Variants in CRACD observed in about 807,000 individuals in gnomAD.
CRACD encodes capping protein-inhibiting regulator of actin dynamics.
Under a neutral mutation model 106.8 loss-of-function variants are expected in CRACD, and 56 were observed. The observed-to-expected ratio is 0.52, with a 90% confidence interval of 0.42 to 0.66. CRACD has a LOEUF of 0.66. Ranked by LOEUF, CRACD falls within the 30% of genes least tolerant of loss-of-function variation. The pLI is 0.00. For synonymous variants in CRACD, 754 were observed against 670.8 expected (o/e 1.12, Z -1.92); for missense variants, 1,730 against 1,623.2 (o/e 1.07, Z -1.13).
At chr4:56,240,610 T>G (rs543541745) in intron 2 of CRACD, among the ~76,000 whole-genome samples, 3 of 152,284 alleles carry the variant, frequency 2.0e-5, no homozygotes, top group Admixed American at 2.0e-4. Flanking sequence ...GTTCAAGTGA[T>G]CCTTCTGCCT....
chr4:56,329,896 T>C lies in CRACD; in HGVS notation c.*2092T>C, dbSNP rs1443688906. On this transcript the variant is annotated 3_prime_UTR_variant, in exon 11 of 11. Transcript: ENST00000682029. ...TGTCAACTTTGTATTGGCTGGGATA[T>C]CACTGTGCCCAAACAAAACAGGCGA... is the stretch of plus-strand genomic sequence containing the variant. Among the ~76,000 whole-genome samples, 1 of 152,182 alleles carries C rather than the reference T, an allele frequency of 6.6e-6. No homozygotes were observed. The highest frequency in any genetic ancestry group is 1.5e-5 in the Non-Finnish European group (1 of 68,030).
chr4:56,299,817 T>C (rs188364493), intron 4 of CRACD, among the ~76,000 whole-genome samples: 137 of 146,332 alleles, frequency 9.4e-4, no homozygotes, highest in African/African-American at 3.3e-3. Context: ...TCTACAACAA[T>C]GGATTAAATG....
chr4:56,219,069 G>T (rs1738893286), intron 2 of CRACD, among the ~76,000 whole-genome samples: 1 of 152,250 alleles, frequency 6.6e-6, no homozygotes, highest in Non-Finnish European at 1.5e-5. Context: ...TAGATGAATT[G>T]AAGATGGACT....
intron 1 of CRACD, among the ~76,000 whole-genome samples, chr4:56,104,395 CAAAAAACAAACACA>C (rs1733876550): frequency 8.0e-6 from 1 of 125,214 alleles, no homozygotes; most frequent in Non-Finnish European, 1.8e-5. Flanking sequence ...GACCCTGTCT[CAAAAAACAAACACA>C]AAAAAACAAA....
intron 4 of CRACD, among the ~76,000 whole-genome samples, chr4:56,301,754 T>C (rs532528955): frequency 1.4e-4 from 22 of 152,036 alleles, no homozygotes; most frequent in Admixed American, 3.3e-4. Flanking sequence ...AAGAACTCAA[T>C]ACAGCAAAAA....
At position 56,315,640 on chromosome 4, in the gene CRACD, C is replaced by A. The variant is rs1317056942; in HGVS notation, c.2138C>A (p.Pro713Gln). The part of the protein sequence containing the change: ...CDSRGNQRKT[P>Q]PVNAKFSIMP... ...TCCCGCGGGAACCAACGGAAGACTC[C>A]GCCAGTCAATGCAAAGTTCTCTATT... The change falls in exon 8 of 11, where the codon CCG (proline) becomes CAG (glutamine). Residue 713 changes from proline (P) to glutamine (Q), a missense_variant. By Grantham distance (76) the Pro-to-Gln change is moderately conservative (BLOSUM62 -1). This residue lies in a region of CRACD where 1,620 missense variants were observed against 1,481.6 expected (regional missense o/e 1.09). Transcript: ENST00000682029. The surrounding 1 kb of genome is among the most constrained non-coding windows in gnomAD (Gnocchi z 4.1). 4 of 1,614,048 alleles carry A rather than the reference C, an allele frequency of 2.5e-6. No individual in the cohort carries two copies. In the African/African-American group the frequency reaches 5.3e-5, roughly 22 times the overall value.
At chr4:56,279,161 T>C (rs956521824) in intron 3 of CRACD, among the ~76,000 whole-genome samples, 1 of 152,164 alleles carries the variant, frequency 6.6e-6, no homozygotes, top group Non-Finnish European at 1.5e-5. Context: ...GAAATGTGAC[T>C]ACACCCACTG....
At chr4:56,233,645 A>C (rs4865071) in intron 2 of CRACD, among the ~76,000 whole-genome samples, 1 of 151,754 alleles carries the variant, frequency 6.6e-6, no homozygotes, top group South Asian at 2.1e-4. Flanking sequence ...TTATTTCTCC[A>C]GTTTTGTTCA....
At chr4:56,273,520 T>TG (rs1299726195) in intron 3 of CRACD, among the ~76,000 whole-genome samples, 1 of 152,100 alleles carries the variant, frequency 6.6e-6, no homozygotes, top group East Asian at 1.9e-4. Flanking sequence ...GGTCAGGAAG[T>TG]ACTTTCTTAC....
At chr4:56,290,056 C>T (rs891187188) in intron 3 of CRACD, among the ~76,000 whole-genome samples, 3 of 152,178 alleles carry the variant, frequency 2.0e-5, no homozygotes, top group African/African-American at 7.2e-5. Context: ...AGTACACTGC[C>T]TTTTGCTGCT....
Position 56,314,308 on chromosome 4 carries a change from T to G in CRACD, c.806T>G (p.Leu269Arg), listed in dbSNP as rs553362419. Residue 269 changes from leucine (L) to arginine (R), a missense_variant, in exon 8 of 11, where the codon CTC becomes CGC. By Grantham distance (102) the Leu-to-Arg change is moderately radical. This residue lies in a region of CRACD where 1,620 missense variants were observed against 1,481.6 expected (regional missense o/e 1.09). Coordinates refer to ENST00000682029, the MANE Select transcript of CRACD (RefSeq NM_001393381.1). The surrounding 1 kb of genome is among the most constrained non-coding windows in gnomAD (Gnocchi z 4.4). The stretch of plus-strand genomic sequence containing the variant: ...TGGGAAGAGAACAGAAGGCAGGAGC[T>G]CTTGGAGGAGGAGGGCGAGGGGCAG... The part of the protein sequence containing the change: ...RLWEENRRQE[L>R]LEEEGEGQEP... The G allele has an allele frequency of 8.3e-4, 1,285 of 1,552,434 alleles. No individual in the cohort carries two copies. Among genetic ancestry groups the G allele is most frequent in the Admixed American group, 2.5e-3 (127 of 51,010 alleles).
intron 2 of CRACD, among the ~76,000 whole-genome samples, chr4:56,184,478 C>T (rs73155178): frequency 5.3e-4 from 80 of 152,332 alleles, no homozygotes; most frequent in African/African-American, 1.8e-3. Context: ...CCACCAAATG[C>T]GACTCCCTGG....
intron 2 of CRACD, among the ~76,000 whole-genome samples, chr4:56,243,978 G>A (rs1740522792): frequency 1.3e-5 from 2 of 152,106 alleles, no homozygotes. Context: ...ATGTCCGTGA[G>A]TTCAAAGATA....
At chr4:56,240,654 G>A (rs561635613) in intron 2 of CRACD, among the ~76,000 whole-genome samples, 14 of 152,076 alleles carry the variant, frequency 9.2e-5, no homozygotes, top group South Asian at 2.1e-4. Flanking sequence ...ACAAGCATGC[G>A]CCATCACACT....
At chr4:56,081,260 T>C (rs901336456) in intron 1 of CRACD, among the ~76,000 whole-genome samples, 1 of 152,202 alleles carries the variant, frequency 6.6e-6, no homozygotes, top group East Asian at 1.9e-4. Flanking sequence ...TCATGAATAG[T>C]TTTATTTTTA....
intron 1 of CRACD, among the ~76,000 whole-genome samples, chr4:56,059,039 C>T (rs574522689): frequency 1.3e-5 from 2 of 151,928 alleles, no homozygotes; most frequent in African/African-American, 4.8e-5. Flanking sequence ...TTACAAACAA[C>T]CCCGGTTGAT....
chr4:56,067,002 CTTAA>C (rs1387754457), intron 1 of CRACD, among the ~76,000 whole-genome samples: 14 of 152,082 alleles, frequency 9.2e-5, no homozygotes, highest in African/African-American at 3.4e-4. Context: ...TTAATTAATT[CTTAA>C]TTAATTCTTA....
chr4:56,175,427 A>G (rs1395371363), intron 1 of CRACD, among the ~76,000 whole-genome samples: 1 of 152,210 alleles, frequency 6.6e-6, no homozygotes, highest in Non-Finnish European at 1.5e-5. Context: ...AATGATTAAT[A>G]TACCTACTTG....
intron 3 of CRACD, among the ~76,000 whole-genome samples, chr4:56,288,031 C>T (rs747739293): frequency 6.6e-6 from 1 of 152,134 alleles, no homozygotes; most frequent in Non-Finnish European, 1.5e-5. Context: ...TTTGAACCTT[C>T]TTGGGTAGGA....
Sources: allele counts gnomAD v4.1 joint callset (sites outside exome capture counted in the v4.1 genomes callset), GRCh38; gene constraint gnomAD v4.1.1; regional missense constraint gnomAD v4.1.1; non-coding constraint Gnocchi (gnomAD v3.1); transcripts MANE v1.5; gene names NCBI Gene and HGNC (gene_info 2026-07-23, HGNC 2026-07-21).